Variants in RBFOX1 observed in about 807,000 individuals in gnomAD.
The protein encoded by RBFOX1 is RNA binding fox-1 homolog 1.
A neutral mutation model predicts 57.7 loss-of-function variants in RBFOX1; 8 were observed. The ratio of observed to expected loss-of-function variants is 0.14; its 90% CI spans 0.08 to 0.25. The LOEUF is 0.25. RBFOX1 is among the 10% of genes least tolerant of loss of function. RBFOX1 has a pLI of 1.00. For missense variants in RBFOX1, 611 were observed against 548.5 expected, an observed-to-expected ratio of 1.11 and a Z score of -1.14; for synonymous variants, 326 against 222.4, an observed-to-expected ratio of 1.47 and a Z score of -4.15.
At chr16:6,918,340 G>T (rs144424613) in intron 3 of RBFOX1, among the ~76,000 whole-genome samples, 1 of 151,318 alleles carries the variant, frequency 6.6e-6, no homozygotes, top group African/African-American at 2.4e-5. Flanking sequence ...TACCGAATCA[G>T]ACCACTGGGC....
chr16:6,368,404 T>C (rs2089975217), intron 2 of RBFOX1, among the ~76,000 whole-genome samples: 1 of 152,178 alleles, frequency 6.6e-6, no homozygotes, highest in South Asian at 2.1e-4. Flanking sequence ...CTGCCACACA[T>C]AAAAAATGCT....
chr16:6,151,290 T>G (rs1410373619), intron 1 of RBFOX1, among the ~76,000 whole-genome samples: 1 of 152,142 alleles, frequency 6.6e-6, no homozygotes, highest in Non-Finnish European at 1.5e-5. Flanking sequence ...ATTAGTTGTT[T>G]TTTTTCTTTT....
At chr16:6,492,434 G>A (rs990753750) in intron 2 of RBFOX1, among the ~76,000 whole-genome samples, 4 of 152,138 alleles carry the variant, frequency 2.6e-5, no homozygotes, top group African/African-American at 9.7e-5. Context: ...CAGGCTTGGT[G>A]GCAGGTGCCT....
intron 4 of RBFOX1, among the ~76,000 whole-genome samples, chr16:7,410,511 G>T (rs538694374): frequency 8.5e-5 from 13 of 152,186 alleles, no homozygotes; most frequent in African/African-American, 2.2e-4. Context: ...GAGAAACCCG[G>T]TCTCTACTAA....
At chr16:5,458,721 C>T (rs1209307908) in intron 1 of RBFOX1, among the ~76,000 whole-genome samples, 2 of 152,174 alleles carry the variant, frequency 1.3e-5, no homozygotes, top group Admixed American at 1.3e-4. Flanking sequence ...TATCTGTATT[C>T]CTAACAACAG....
At chr16:7,049,711 A>G (rs531308564) in intron 3 of RBFOX1, among the ~76,000 whole-genome samples, 3 of 152,098 alleles carry the variant, frequency 2.0e-5, no homozygotes, top group African/African-American at 7.2e-5. Flanking sequence ...GCTGCTTTTT[A>G]ATTTTCAGAG....
Position 5,979,776 on chromosome 16 carries a change from C to G in RBFOX1, c.351+112441C>G, listed in dbSNP as rs539896370. Among the ~76,000 whole-genome samples, 11 of 152,282 alleles carry G rather than the reference C, an allele frequency of 7.2e-5. No homozygotes were observed. The East Asian group carries it at 1.7e-3, about 24-fold the overall frequency. On this transcript the variant is annotated intron_variant, in intron 4 of 19. Coordinates refer to the RBFOX1 transcript ENST00000641259. ...GCTCCGGAGGCTGAGTTAGGAGAAT[C>G]GCTTGAACCCGGGAGGCAGAGGTTG...
rs114264029 is a variant in RBFOX1, at chr16:6,912,200, G to A, written c.-15-139857G>A. ...AATCTGAAACTTAAATTCCCACGTGGAGTAATTTCTCTAATGTGGAGTTTC... is the reference window on the plus strand; with the variant it reads ...AATCTGAAACTTAAATTCCCACGTGAAGTAATTTCTCTAATGTGGAGTTTC... On this transcript the variant is annotated intron_variant, in intron 3 of 15. Coordinates refer to ENST00000550418, the MANE Select transcript of RBFOX1 (RefSeq NM_018723.4). Among the ~76,000 whole-genome samples, 1,239 of 152,312 alleles carry A rather than the reference G, an allele frequency of 8.1e-3. 9 individuals carry two copies. Among genetic ancestry groups the A allele is most frequent in the African/African-American group, 0.028 (1,154 of 41,562 alleles).
intron 3 of RBFOX1, among the ~76,000 whole-genome samples, chr16:6,875,885 C>G (rs979165122): frequency 2.0e-5 from 3 of 152,070 alleles, no homozygotes; most frequent in Non-Finnish European, 4.4e-5. Context: ...GGAATCCAGG[C>G]TACTTGAAGG....
At chr16:5,800,822 C>A (rs187722582) in intron 3 of RBFOX1, among the ~76,000 whole-genome samples, 1 of 152,218 alleles carries the variant, frequency 6.6e-6, no homozygotes, top group East Asian at 1.9e-4. Context: ...TGGGGCAAAT[C>A]ACAGACAAGC....
intron 4 of RBFOX1, among the ~76,000 whole-genome samples, chr16:7,053,634 C>A (rs1317491497): frequency 6.6e-6 from 1 of 152,134 alleles, no homozygotes; most frequent in Non-Finnish European, 1.5e-5. Flanking sequence ...AATGAAGGAC[C>A]TGTTTGCATT....
chr16:6,863,818 A>C (rs1298788179), intron 3 of RBFOX1, among the ~76,000 whole-genome samples: 1 of 142,542 alleles, frequency 7.0e-6, no homozygotes, highest in East Asian at 2.1e-4. Context: ...AGGATGTGCT[A>C]TGAAAGGAGC....
chr16:6,465,715 G>A (rs1229936785), intron 2 of RBFOX1, among the ~76,000 whole-genome samples: 1 of 151,306 alleles, frequency 6.6e-6, no homozygotes, highest in African/African-American at 2.4e-5. Flanking sequence ...TCATTTTTGT[G>A]CTAAAAGGGA....
intron 2 of RBFOX1, among the ~76,000 whole-genome samples, chr16:5,561,593 A>G (rs960320631): frequency 2.0e-5 from 3 of 152,168 alleles, no homozygotes; most frequent in African/African-American, 7.2e-5. Context: ...GTGACGATAT[A>G]AGGTTTTAAA....
At chr16:7,282,579 G>A (rs894314299) in intron 4 of RBFOX1, among the ~76,000 whole-genome samples, 16 of 150,452 alleles carry the variant, frequency 1.1e-4, no homozygotes, top group South Asian at 4.2e-4. Context: ...TCCTGTTATC[G>A]TTCTTTTAAA....
At chr16:5,958,097 G>T (rs2059681462) in intron 4 of RBFOX1, among the ~76,000 whole-genome samples, 3 of 152,152 alleles carry the variant, frequency 2.0e-5, no homozygotes, top group African/African-American at 7.2e-5. Context: ...CTTCATGTGT[G>T]TAATGAGAAT....
intron 2 of RBFOX1, among the ~76,000 whole-genome samples, chr16:5,555,391 C>T (rs569362894): frequency 3.7e-4 from 56 of 152,168 alleles, no homozygotes; most frequent in African/African-American, 1.3e-3. Flanking sequence ...GCTGGGACTA[C>T]AGGCATGAGC....
intron 4 of RBFOX1, among the ~76,000 whole-genome samples, chr16:7,425,851 C>T (rs954864714): frequency 6.6e-6 from 1 of 152,100 alleles, no homozygotes; most frequent in African/African-American, 2.4e-5. Context: ...TAATTTGTTT[C>T]TATTTTACAT....
At chr16:5,419,995 A>G (rs12444295) in intron 1 of RBFOX1, among the ~76,000 whole-genome samples, 64,415 of 151,960 alleles carry the variant, frequency 0.42, 16,359 homozygotes, top group East Asian at 0.62. Flanking sequence ...CTCAGCCGAT[A>G]TTGTGACTTG....
Sources: allele counts gnomAD v4.1 joint callset (sites outside exome capture counted in the v4.1 genomes callset), GRCh38; gene constraint gnomAD v4.1.1; transcripts MANE v1.5; gene names NCBI Gene and HGNC (gene_info 2026-07-23, HGNC 2026-07-21).